Variants in NAALADL2 observed in about 807,000 individuals in gnomAD.
NAALADL2 encodes the protein N-acetylated alpha-linked acidic dipeptidase like 2.
In NAALADL2, 76 loss-of-function variants were observed where a neutral mutation model predicts 87.2. The observed-to-expected ratio is 0.87, with a 90% CI of 0.72 to 1.05. NAALADL2 has a LOEUF of 1.05. NAALADL2 is among the 50% of genes least tolerant of loss of function. NAALADL2 has a pLI of 0.00. For missense variants in NAALADL2, 1,089 were observed against 945.8 expected (o/e 1.15, Z -1.99); for synonymous variants, 354 against 331.0 (o/e 1.07, Z -0.75).
At position 175,667,235 on chromosome 3, in the gene NAALADL2, G is replaced by GAA. The variant is rs199928849; in HGVS notation, c.1896+39851_1896+39852dup. ...AGAAAGAAAGAAAGAAAGAAAGAAA[G>GAA]AAAGAAAAAGAAAGAAAGAAAGAAA... On this transcript the variant is annotated intron_variant, in intron 11 of 13. Transcript: ENST00000454872. Among the ~76,000 whole-genome samples the GAA allele has an allele frequency of 3.4e-3, 381 of 112,452 alleles. 3 individuals carry two copies. Among genetic ancestry groups the GAA allele is most frequent in the African/African-American group, 0.016 (349 of 22,364 alleles). 73.8% of individuals were successfully genotyped at this position (112,452 alleles called of 152,430 possible).
At chr3:175,402,983 A>G (rs1028279482) in intron 5 of NAALADL2, among the ~76,000 whole-genome samples, 3 of 152,130 alleles carry the variant, frequency 2.0e-5, no homozygotes, top group Non-Finnish European at 4.4e-5. Context: ...TTTGAAATGA[A>G]CAAAACGAAT....
At chr3:175,681,326 C>G (rs961831218) in intron 11 of NAALADL2, among the ~76,000 whole-genome samples, 2 of 151,992 alleles carry the variant, frequency 1.3e-5, no homozygotes, top group African/African-American at 4.8e-5. Context: ...AAGTCAAGTT[C>G]TTGCATTCTG....
intron 1 of NAALADL2, among the ~76,000 whole-genome samples, chr3:174,905,171 A>T (rs533019483): frequency 3.3e-5 from 5 of 151,138 alleles, no homozygotes; most frequent in East Asian, 1.9e-4. Flanking sequence ...AAGCTATCTA[A>T]TTTTTTCACA....
At chr3:175,649,409 A>G (rs1730443995) in intron 11 of NAALADL2, among the ~76,000 whole-genome samples, 1 of 75,384 alleles carries the variant, frequency 1.3e-5, no homozygotes, top group African/African-American at 9.7e-5. Context: ...GTGTCTCTGA[A>G]AAAAAAAAAA....
At chr3:175,002,914 C>T (rs565269136) in intron 1 of NAALADL2, among the ~76,000 whole-genome samples, 2 of 152,248 alleles carry the variant, frequency 1.3e-5, no homozygotes, top group Non-Finnish European at 2.9e-5. Flanking sequence ...ACTTGCGTGA[C>T]AGGCAAAACC....
chr3:175,435,972 G>T, intron 5 of NAALADL2, among the ~76,000 whole-genome samples: 1 of 145,416 alleles, frequency 6.9e-6, no homozygotes, highest in East Asian at 2.1e-4. Context: ...CTAGCATTAG[G>T]TATATCTCCC....
intron 3 of NAALADL2, among the ~76,000 whole-genome samples, chr3:175,251,469 A>G (rs1341772414): frequency 1.3e-5 from 2 of 152,216 alleles, no homozygotes; most frequent in South Asian, 2.1e-4. Flanking sequence ...AAACTGTGGT[A>G]CAGAATGGAT....
chr3:175,597,267 G>A (rs987797524), intron 10 of NAALADL2, among the ~76,000 whole-genome samples: 7 of 151,922 alleles, frequency 4.6e-5, no homozygotes, highest in Non-Finnish European at 7.4e-5. Context: ...TTTAATTTGT[G>A]AAGGGAAAAC....
At chr3:174,593,683 A>T (rs146351295) in intron 2 of NAALADL2, among the ~76,000 whole-genome samples, 1 of 152,296 alleles carries the variant, frequency 6.6e-6, no homozygotes, top group South Asian at 2.1e-4. Context: ...GGTATCAGAA[A>T]TCCTTGTATA....
At chr3:174,713,066 T>A (rs761867371) in intron 2 of NAALADL2, among the ~76,000 whole-genome samples, 16 of 152,090 alleles carry the variant, frequency 1.1e-4, no homozygotes, top group Non-Finnish European at 2.1e-4. Context: ...TGGTTTTTTG[T>A]CCTTGCAATA....
At chr3:174,948,039 ATAT>A (rs1368579762) in intron 1 of NAALADL2, among the ~76,000 whole-genome samples, 1 of 152,118 alleles carries the variant, frequency 6.6e-6, no homozygotes, top group Non-Finnish European at 1.5e-5. Context: ...GAAACTTGAC[ATAT>A]TGTTAATTTT....
chr3:174,726,365 G>T (rs1268408663), intron 2 of NAALADL2, among the ~76,000 whole-genome samples: 1 of 152,130 alleles, frequency 6.6e-6, no homozygotes, highest in Non-Finnish European at 1.5e-5. Context: ...AGAACTACCA[G>T]CGGTTATGTT....
chr3:175,020,663 A>G (rs1751446910), intron 1 of NAALADL2, among the ~76,000 whole-genome samples: 3 of 152,052 alleles, frequency 2.0e-5, no homozygotes, highest in African/African-American at 2.4e-5. Context: ...TTCAACAACA[A>G]TATAGACTAT....
chr3:175,629,600 A>G (rs1017387031), intron 11 of NAALADL2, among the ~76,000 whole-genome samples: 2 of 151,696 alleles, frequency 1.3e-5, no homozygotes, highest in Admixed American at 6.6e-5. Flanking sequence ...CCACGAGAAC[A>G]TAGAATGAAA....
intron 10 of NAALADL2, among the ~76,000 whole-genome samples, chr3:175,594,381 C>A (rs1305571716): frequency 6.6e-6 from 1 of 152,102 alleles, no homozygotes; most frequent in East Asian, 1.9e-4. Flanking sequence ...ACCACATTTT[C>A]TATTCAGTCC....
At chr3:175,720,918 A>G (rs1408656371) in intron 11 of NAALADL2, among the ~76,000 whole-genome samples, 1 of 152,182 alleles carries the variant, frequency 6.6e-6, no homozygotes, top group Non-Finnish European at 1.5e-5. Flanking sequence ...CTACTGAAGA[A>G]TACATTTCAG....
rs1748514237 is a variant in NAALADL2 at position 175,765,055 on chromosome 3, T to A, written c.2189+9637T>A. Among the ~76,000 whole-genome samples, 3 of 152,104 alleles carry A rather than the reference T, an allele frequency of 2.0e-5. No homozygotes were observed. The South Asian group carries it at 6.2e-4, about 31-fold the overall frequency. On this transcript the variant is annotated intron_variant, in intron 13 of 13. Coordinates refer to ENST00000454872, the MANE Select transcript of NAALADL2 (RefSeq NM_207015.3). The stretch of plus-strand genomic sequence containing the variant: ...TAATTCTATGAGCAATGCCTCTGAT[T>A]TCTTTAGACTATGAAAAAAAACAGT...
At chr3:175,126,597 T>C (rs538330630) in intron 2 of NAALADL2, among the ~76,000 whole-genome samples, 11 of 152,302 alleles carry the variant, frequency 7.2e-5, no homozygotes, top group Middle Eastern at 3.4e-3. Flanking sequence ...GTTAGAATTA[T>C]ATATGATAAT....
chr3:175,283,438 CA>C (rs1241995165), intron 4 of NAALADL2, among the ~76,000 whole-genome samples: 1 of 151,968 alleles, frequency 6.6e-6, no homozygotes, highest in Non-Finnish European at 1.5e-5. Flanking sequence ...TTCTGTTAGC[CA>C]GGTCTGACAT....
Sources: allele counts gnomAD v4.1 joint callset (sites outside exome capture counted in the v4.1 genomes callset), GRCh38; gene constraint gnomAD v4.1.1; transcripts MANE v1.5; gene names NCBI Gene and HGNC (gene_info 2026-07-23, HGNC 2026-07-21).